Variants in CDH8 observed in about 807,000 individuals in gnomAD.
CDH8 encodes cadherin 8.
In CDH8, 17 loss-of-function variants were observed where a neutral mutation model predicts 68.1. The observed-to-expected ratio is 0.25, with a 90% confidence interval of 0.17 to 0.37. CDH8 has a LOEUF of 0.37. CDH8 is among the 10% of genes least tolerant of loss of function. CDH8 has a pLI of 1.00. For missense variants in CDH8, 763 were observed against 999.3 expected (o/e 0.76, Z 3.19); for synonymous variants, 372 against 365.1 (o/e 1.02, Z -0.21).
chr16:61,939,326 A>T (rs1278096497), intron 2 of CDH8, among the ~76,000 whole-genome samples: 1 of 152,224 alleles, frequency 6.6e-6, no homozygotes, highest in Non-Finnish European at 1.5e-5. Context: ...AATCCGGAAA[A>T]ATAATGATTT....
chr16:61,733,644 T>C (rs1567445210), intron 8 of CDH8, among the ~76,000 whole-genome samples: 1 of 151,982 alleles, frequency 6.6e-6, no homozygotes, highest in Non-Finnish European at 1.5e-5. Flanking sequence ...CCTATTAATA[T>C]GTTCCTTGGT....
rs1050114359 is a variant in CDH8, at chr16:61,807,352, T to C, written c.1277+10127A>G. Reference sequence around the variant, plus strand: ...TGGGGGGAGGGGGGAGGGATAGCATTGGGAGATATACCTAATGCTAGATGA... The same window carrying C: ...TGGGGGGAGGGGGGAGGGATAGCATCGGGAGATATACCTAATGCTAGATGA... On this transcript the variant is annotated intron_variant, in intron 7 of 11. Transcript: ENST00000577390. 2.5e-4 allele frequency among the ~76,000 whole-genome samples: 36 copies of C among 145,540 alleles called. 3 individuals carry two copies. The highest frequency in any genetic ancestry group is 2.0e-3 in the East Asian group (9 of 4,596).
rs1963240802 is a variant in CDH8 at position 61,647,944 on chromosome 16, T to A, written c.*5664A>T. On this transcript the variant is annotated 3_prime_UTR_variant, in exon 12 of 12. Coordinates refer to ENST00000577390, the MANE Select transcript of CDH8 (RefSeq NM_001796.5). ...TATTAGTAGGGATACTTGCAAGAAATAATACTTGCATTCAAGATGTGAATT... is the reference window on the plus strand; with the variant it reads ...TATTAGTAGGGATACTTGCAAGAAAAAATACTTGCATTCAAGATGTGAATT... 1 of 670,360 alleles carries A rather than the reference T, an allele frequency of 1.5e-6. No individual in the cohort carries two copies. Among genetic ancestry groups the A allele is most frequent in the African/African-American group, 1.8e-5 (1 of 55,346 alleles). 41.5% of individuals were successfully genotyped at this position (670,360 alleles called of 1,614,324 possible).
At chr16:61,967,460 C>T (rs1271735317) in intron 2 of CDH8, among the ~76,000 whole-genome samples, 1 of 152,082 alleles carries the variant, frequency 6.6e-6, no homozygotes, top group Non-Finnish European at 1.5e-5. Context: ...ATCTGAAATG[C>T]TTAGCACCAG....
At chr16:61,751,711 A>G (rs1398290720) in intron 8 of CDH8, among the ~76,000 whole-genome samples, 2 of 152,018 alleles carry the variant, frequency 1.3e-5, no homozygotes, top group South Asian at 4.1e-4. Context: ...CAGGAAACAT[A>G]TTTCCTTTCC....
intron 2 of CDH8, among the ~76,000 whole-genome samples, chr16:61,915,334 T>C (rs1428846047): frequency 6.6e-6 from 1 of 152,218 alleles, no homozygotes; most frequent in Non-Finnish European, 1.5e-5. Context: ...ATTATATTCA[T>C]TGTCTATTAT....
At chr16:61,778,686 C>A (rs77113439) in intron 8 of CDH8, among the ~76,000 whole-genome samples, 2,208 of 152,124 alleles carry the variant, frequency 0.015, 29 homozygotes, top group Middle Eastern at 0.027. Context: ...TCTCACTATA[C>A]CCACAAGTTT....
chr16:61,874,457 G>C (rs556132316), intron 3 of CDH8, among the ~76,000 whole-genome samples: 1 of 151,690 alleles, frequency 6.6e-6, no homozygotes, highest in Non-Finnish European at 1.5e-5. Context: ...TCAGCCTCCC[G>C]AGTAGCTGGG....
chr16:61,971,563 G>C (rs1177180712), intron 2 of CDH8, among the ~76,000 whole-genome samples: 1 of 152,194 alleles, frequency 6.6e-6, no homozygotes, highest in African/African-American at 2.4e-5. Flanking sequence ...ACCTCCATGT[G>C]TTCAGCTCTC....
intron 10 of CDH8, among the ~76,000 whole-genome samples, chr16:61,676,442 T>C (rs1049983529): frequency 6.6e-6 from 1 of 151,990 alleles, no homozygotes; most frequent in African/African-American, 2.4e-5. Context: ...TAGTGGTGCT[T>C]CTGATAGGAA....
intron 2 of CDH8, among the ~76,000 whole-genome samples, chr16:61,952,843 T>C (rs991825658): frequency 4.6e-5 from 7 of 151,996 alleles, no homozygotes; most frequent in African/African-American, 1.7e-4. Context: ...GTAGAGCACA[T>C]ATTGGGAATC....
intron 8 of CDH8, among the ~76,000 whole-genome samples, chr16:61,762,828 G>A (rs1461231647): frequency 2.6e-5 from 4 of 152,094 alleles, no homozygotes; most frequent in Non-Finnish European, 5.9e-5. Context: ...TCACCTAGAG[G>A]CTTTTTAGAA....
intron 2 of CDH8, among the ~76,000 whole-genome samples, chr16:61,970,608 C>A (rs61196665): frequency 0.11 from 16,633 of 152,240 alleles, 1,252 homozygotes; most frequent in African/African-American, 0.2. Flanking sequence ...TGACACAGAA[C>A]GCTTCTGTGA....
At chr16:62,033,800 G>C (rs1316085784) in intron 1 of CDH8, among the ~76,000 whole-genome samples, 1 of 151,794 alleles carries the variant, frequency 6.6e-6, no homozygotes, top group Non-Finnish European at 1.5e-5. Context: ...CCCCGGAGTT[G>C]CTGGAAAGAC....
chr16:61,717,210 T>A (rs1340417882), intron 9 of CDH8, among the ~76,000 whole-genome samples: 1 of 151,712 alleles, frequency 6.6e-6, no homozygotes, highest in East Asian at 1.9e-4. Context: ...TTTCATAATT[T>A]ATTGTTGAAA....
At chr16:61,817,419 A>G (rs1962102967) in intron 7 of CDH8, 60 bp downstream of exon 7, 14 of 1,571,334 alleles carry the variant, frequency 8.9e-6, no homozygotes, top group South Asian at 4.4e-5. Flanking sequence ...AAGCAAAGGC[A>G]TTTTTCACTG....
intron 1 of CDH8, among the ~76,000 whole-genome samples, chr16:62,029,618 G>C (rs1360434855): frequency 1.3e-5 from 2 of 152,186 alleles, no homozygotes; most frequent in African/African-American, 4.8e-5. Flanking sequence ...AGCACTACCT[G>C]TTCATGAGTG....
At chr16:61,907,287 A>G (rs1026671172) in intron 2 of CDH8, among the ~76,000 whole-genome samples, 2 of 152,162 alleles carry the variant, frequency 1.3e-5, no homozygotes, top group African/African-American at 4.8e-5. Flanking sequence ...TAAATTACAC[A>G]GGAAATTGCT....
At chr16:61,733,418 A>C (rs541034516) in intron 8 of CDH8, among the ~76,000 whole-genome samples, 1 of 151,958 alleles carries the variant, frequency 6.6e-6, no homozygotes, top group Non-Finnish European at 1.5e-5. Context: ...ATGCTGTAGG[A>C]TTTGACATCT....
Sources: gnomAD v4.1 joint callset for allele counts (sites outside exome capture counted in the v4.1 genomes callset) on GRCh38, gnomAD v4.1.1 for gene constraint, MANE v1.5 for transcripts, NCBI Gene and HGNC (gene_info 2026-07-23, HGNC 2026-07-21) for gene names.